Variants in ELOVL5 observed in about 807,000 individuals in gnomAD.
ELOVL5 encodes very long chain fatty acid elongase 5.
Under a neutral mutation model 38.6 loss-of-function variants are expected in ELOVL5, and 8 were observed. The ratio of observed to expected loss-of-function variants is 0.21; its 90% confidence interval spans 0.12 to 0.37. The LOEUF is 0.37. Among genes scored for constraint, ELOVL5 ranks in the 10% least tolerant of loss-of-function variants. ELOVL5 has a pLI of 1.00. For missense variants in ELOVL5, 280 were observed against 367.8 expected (o/e 0.76, Z 1.95); for synonymous variants, 127 against 133.7 (o/e 0.95, Z 0.34).
chr6:53,309,407 A>G (rs1482701906), intron 1 of ELOVL5, among the ~76,000 whole-genome samples: 2 of 152,152 alleles, frequency 1.3e-5, no homozygotes, highest in Non-Finnish European at 2.9e-5. Context: ...CTGGTTGAGA[A>G]ACGTGGGCTC....
At chr6:53,318,357 T>A (rs1179700464) in intron 1 of ELOVL5, among the ~76,000 whole-genome samples, 1 of 152,198 alleles carries the variant, frequency 6.6e-6, no homozygotes, top group Non-Finnish European at 1.5e-5. Flanking sequence ...TCTCCTCACC[T>A]GGAATATTCT....
intron 1 of ELOVL5, among the ~76,000 whole-genome samples, chr6:53,296,147 ACTTTT>A (rs1390110068): frequency 6.6e-6 from 1 of 152,116 alleles, no homozygotes; most frequent in Non-Finnish European, 1.5e-5. Context: ...TCCGCTTGTT[ACTTTT>A]ATCAATTATT....
At position 53,268,424 on chromosome 6, in the gene ELOVL5, C is replaced by T. The variant is rs1765812436; in HGVS notation, c.*703G>A. The stretch of plus-strand genomic sequence containing the variant: ...TTCATCACGACTGCTGTAGAGCCCC[C>T]CCCTTTTTACATTAATAGTGGCACT... On this transcript the variant is annotated 3_prime_UTR_variant, in exon 8 of 8. Coordinates refer to ENST00000304434, the MANE Select transcript of ELOVL5 (RefSeq NM_021814.5). The T allele has an allele frequency of 1.3e-5, 2 of 152,140 alleles. No homozygotes were observed. The highest frequency in any genetic ancestry group is 4.2e-4 in the South Asian group (2 of 4,818). 9.4% of individuals were successfully genotyped at this position (152,140 alleles called of 1,614,324 possible). A position where few individuals can be genotyped will look rare whatever the true frequency, so the allele number is the denominator to read the frequency against.
chr6:53,304,365 G>A (rs1047727152), intron 1 of ELOVL5, among the ~76,000 whole-genome samples: 14 of 152,234 alleles, frequency 9.2e-5, no homozygotes, highest in African/African-American at 3.4e-4. Flanking sequence ...AAGACACTTT[G>A]TAAAGTGTGA....
At chr6:53,344,539 G>A (rs191718390) in intron 1 of ELOVL5, among the ~76,000 whole-genome samples, 48 of 152,312 alleles carry the variant, frequency 3.2e-4, no homozygotes, top group Admixed American at 1.2e-3. Context: ...AGGCCAGGGT[G>A]TCAAGGTGAT....
Position 53,295,650 on chromosome 6 carries a change from C to T in ELOVL5, c.50G>A (p.Gly17Asp). ...SLSTYFKALL[G>D]PRDTRVKGWF... ...ACCAAAAACCACCTTACCTCGAGGG[C>T]CTAGCAATGCCTTGAAATAGGTACT... The change falls in exon 2 of 8, where the codon GGC becomes GAC. Residue 17 changes from glycine to aspartate, a missense_variant. This residue lies in a region of ELOVL5 where 150 missense variants were observed against 178.0 expected (regional missense o/e 0.84). Coordinates refer to ENST00000304434, the MANE Select transcript of ELOVL5 (RefSeq NM_021814.5). 1.2e-6 allele frequency: 2 copies of T among 1,601,354 alleles called. No homozygotes were observed. Among genetic ancestry groups the T allele is most frequent in the Non-Finnish European group, 1.7e-6 (2 of 1,176,218 alleles).
chr6:53,291,684 A>G (rs552031370), intron 3 of ELOVL5, 92 bp downstream of exon 3: 2 of 1,038,876 alleles, frequency 1.9e-6, no homozygotes, highest in Admixed American at 5.0e-5. Context: ...CTACACCCCA[A>G]GCGGCCACCT....
intron 1 of ELOVL5, among the ~76,000 whole-genome samples, chr6:53,341,398 A>G (rs1769319269): frequency 6.6e-6 from 1 of 152,220 alleles, no homozygotes; most frequent in African/African-American, 2.4e-5. Flanking sequence ...TAGGTCTGAC[A>G]GGTGTACAGC....
intron 1 of ELOVL5, among the ~76,000 whole-genome samples, chr6:53,327,411 C>G (rs1037825667): frequency 6.6e-6 from 1 of 152,144 alleles, no homozygotes; most frequent in Non-Finnish European, 1.5e-5. Flanking sequence ...AAACATTATG[C>G]TAAGTGAGAG....
chr6:53,294,975 G>C (rs1302459607), intron 2 of ELOVL5, among the ~76,000 whole-genome samples: 1 of 152,138 alleles, frequency 6.6e-6, no homozygotes. Context: ...ATTATCATAG[G>C]TGACATGAAA....
chr6:53,342,529 G>A (rs1769373958), intron 1 of ELOVL5, among the ~76,000 whole-genome samples: 1 of 152,196 alleles, frequency 6.6e-6, no homozygotes, highest in Admixed American at 6.5e-5. Context: ...TGAAATTGTT[G>A]ACATGAGGAA....
chr6:53,305,165 A>C (rs1376463507), intron 1 of ELOVL5, among the ~76,000 whole-genome samples: 17 of 83,840 alleles, frequency 2.0e-4, no homozygotes, highest in East Asian at 3.9e-4. Flanking sequence ...TGACCCCCCC[A>C]CCTCCCTCCC....
chr6:53,274,466 T>C (rs886810358), intron 5 of ELOVL5, among the ~76,000 whole-genome samples: 2 of 152,204 alleles, frequency 1.3e-5, no homozygotes, highest in African/African-American at 2.4e-5. Context: ...AGTGTTTGGA[T>C]GACGGGACTT....
chr6:53,328,371 T>G (rs1261784284), intron 1 of ELOVL5, among the ~76,000 whole-genome samples: 2 of 152,158 alleles, frequency 1.3e-5, no homozygotes, highest in African/African-American at 2.4e-5. Flanking sequence ...GGTACCTGAT[T>G]CAGGTATCAA....
intron 3 of ELOVL5, among the ~76,000 whole-genome samples, chr6:53,284,267 C>T (rs1050460207): frequency 6.6e-6 from 1 of 150,762 alleles, no homozygotes; most frequent in African/African-American, 2.5e-5. Context: ...GACCATGTCA[C>T]TGCACTTCAG....
chr6:53,295,537 T>C (rs1333735460), intron 2 of ELOVL5, 105 bp downstream of exon 2: 2 of 789,366 alleles, frequency 2.5e-6, no homozygotes, highest in African/African-American at 1.8e-5. Context: ...AGACTTATCA[T>C]AGAAAATGCT....
intron 1 of ELOVL5, among the ~76,000 whole-genome samples, chr6:53,317,459 C>T (rs1463611482): frequency 1.3e-5 from 2 of 152,110 alleles, no homozygotes; most frequent in Admixed American, 6.5e-5. Context: ...GAATACTATG[C>T]GGCCATAAAA....
At position 53,305,389 on chromosome 6, in the gene ELOVL5, CA is replaced by C. The variant is rs1356606796; in HGVS notation, c.-8-9683del. 2.4e-3 allele frequency among the ~76,000 whole-genome samples: 348 copies of C among 143,340 alleles called. 56 individuals carry two copies. Among genetic ancestry groups the C allele is most frequent in the African/African-American group, 8.1e-3 (298 of 36,762 alleles). 94.0% of individuals were successfully genotyped at this position (143,340 alleles called of 152,430 possible). A position where few individuals can be genotyped will look rare whatever the true frequency, so the allele number is the denominator to read the frequency against. ...GGCCTGGCGGGGGCTGACCCCCCCCCACCTCCCTCCCGGGCGGGGTGGCTGC... is the reference window on the plus strand; with the variant it reads ...GGCCTGGCGGGGGCTGACCCCCCCCCCCTCCCTCCCGGGCGGGGTGGCTGC... On this transcript the variant is annotated intron_variant, in intron 1 of 7. Transcript: ENST00000304434.
chr6:53,336,404 A>G (rs988299312), intron 1 of ELOVL5, among the ~76,000 whole-genome samples: 2 of 152,218 alleles, frequency 1.3e-5, no homozygotes, highest in Non-Finnish European at 2.9e-5. Context: ...TCACACCTGT[A>G]ATCTCAGGAT....
Sources: allele counts gnomAD v4.1 joint callset (sites outside exome capture counted in the v4.1 genomes callset), GRCh38; gene constraint gnomAD v4.1.1; regional missense constraint gnomAD v4.1.1; transcripts MANE v1.5; gene names NCBI Gene and HGNC (gene_info 2026-07-23, HGNC 2026-07-21).